SCRG1: variants seen among roughly 807,000 people sequenced by gnomAD.
The protein encoded by SCRG1 is scrapie-responsive protein 1.
In SCRG1, 3 loss-of-function variants were observed where a neutral mutation model predicts 7.7. The observed-to-expected ratio is 0.39, with a 90% CI of 0.18 to 1.01. The LOEUF (loss-of-function observed/expected upper bound fraction) is 1.01, where lower values mean the gene tolerates loss of function less well. Among genes scored for constraint, SCRG1 ranks in the 50% least tolerant of loss-of-function variants. The pLI is 0.36. For missense variants in SCRG1, 110 were observed against 117.2 expected, an observed-to-expected ratio of 0.94 and a Z score of 0.28; for synonymous variants, 46 against 41.2, an observed-to-expected ratio of 1.12 and a Z score of -0.44.
the SCRG1 span, among the ~76,000 whole-genome samples, chr4:173,517,405 T>C: frequency 6.6e-6 from 1 of 152,060 alleles, no homozygotes; most frequent in Non-Finnish European, 1.5e-5. Flanking sequence ...ATTCATTGTG[T>C]GTTTTGCCTT....
At chr4:173,463,567 T>A in the SCRG1 span, among the ~76,000 whole-genome samples, 1 of 152,116 alleles carries the variant, frequency 6.6e-6, no homozygotes, top group Non-Finnish European at 1.5e-5. Context: ...TCAGAATGGG[T>A]TCTCTCCAAA....
chr4:173,385,722 A>C lies in SCRG1; in HGVS notation c.*2619T>G, dbSNP rs144388188. On this transcript the variant is annotated 3_prime_UTR_variant, in exon 3 of 3. Transcript: ENST00000296506. ...TTTGTTAGATACAATTTTTCTTACC[A>C]GGCTTTGATTGCAGTAGTAAGGGAA... is the stretch of plus-strand genomic sequence containing the variant. 314 of 152,292 alleles carry C rather than the reference A, an allele frequency of 2.1e-3. 2 individuals are homozygous for C. Among genetic ancestry groups the C allele is most frequent in the African/African-American group, 7.2e-3 (298 of 41,574 alleles). The allele number at this position is 152,292 out of a possible 1,614,324, so 9.4% of individuals were successfully genotyped here.
chr4:173,476,363 A>AAAAAAAAAAAAAATATAT, the SCRG1 span, among the ~76,000 whole-genome samples: 1 of 98,484 alleles, frequency 1.0e-5, no homozygotes, highest in Non-Finnish European at 2.3e-5. Context: ...GGAAAAAAAA[A>AAAAAAAAAAAAAATATAT]ATATATATAT....
At chr4:173,454,176 G>C in the SCRG1 span, among the ~76,000 whole-genome samples, 4 of 151,986 alleles carry the variant, frequency 2.6e-5, no homozygotes, top group East Asian at 7.7e-4. Context: ...GGTGGAGATC[G>C]CTTTTACTTA....
chr4:173,491,395 G>A, the SCRG1 span, among the ~76,000 whole-genome samples: 3 of 152,042 alleles, frequency 2.0e-5, no homozygotes. Flanking sequence ...ACATTTCACT[G>A]CTGAGTGCCA....
At chr4:173,442,596 G>T in the SCRG1 span, among the ~76,000 whole-genome samples, 1 of 152,152 alleles carries the variant, frequency 6.6e-6, no homozygotes, top group Non-Finnish European at 1.5e-5. Flanking sequence ...ATTTGTCTTA[G>T]TCTGTTTTCT....
At chr4:173,484,670 ATGATG>A in the SCRG1 span, among the ~76,000 whole-genome samples, 134 of 53,020 alleles carry the variant, frequency 2.5e-3, no homozygotes, top group African/African-American at 0.011. Context: ...TATATATAAC[ATGATG>A]TATAATATAT....
chr4:173,467,053 T>C, the SCRG1 span, among the ~76,000 whole-genome samples: 1 of 152,182 alleles, frequency 6.6e-6, no homozygotes, highest in African/African-American at 2.4e-5. Flanking sequence ...AAGGGACATA[T>C]ATATCTCTAC....
the SCRG1 span, among the ~76,000 whole-genome samples, chr4:173,486,753 G>T: frequency 1.3e-5 from 2 of 152,072 alleles, no homozygotes; most frequent in Non-Finnish European, 2.9e-5. Flanking sequence ...TCAGACTGGG[G>T]TGTCAAAGTC....
At chr4:173,416,190 G>T in the SCRG1 span, among the ~76,000 whole-genome samples, 11 of 152,216 alleles carry the variant, frequency 7.2e-5, no homozygotes, top group Non-Finnish European at 1.3e-4. Flanking sequence ...CATCTCTTAC[G>T]ATGACTTATC....
At chr4:173,495,656 T>C in the SCRG1 span, among the ~76,000 whole-genome samples, 2 of 152,238 alleles carry the variant, frequency 1.3e-5, no homozygotes, top group South Asian at 2.1e-4. Flanking sequence ...ATTTTACAGA[T>C]GAGGAAACTG....
the SCRG1 span, chr4:173,468,563 T>C: frequency 6.6e-6 from 1 of 152,212 alleles, no homozygotes; most frequent in African/African-American, 2.4e-5. Flanking sequence ...ATGACCCACA[T>C]CAGACATGGA....
the SCRG1 span, among the ~76,000 whole-genome samples, chr4:173,477,746 CCTTCCTTCCTTCCTTCCT>C: frequency 3.4e-5 from 5 of 148,388 alleles, no homozygotes; most frequent in Admixed American, 1.4e-4. Flanking sequence ...TTCCTTCCTT[CCTTCCTTCCTTCCTTCCT>C]TCCTTCTTTC....
chr4:173,483,183 TTATATA>T, the SCRG1 span, among the ~76,000 whole-genome samples: 1 of 115,294 alleles, frequency 8.7e-6, no homozygotes, highest in Non-Finnish European at 1.7e-5. Context: ...ATATAATATA[TTATATA>T]TGATATATAT....
At chr4:173,494,715 C>G in the SCRG1 span, among the ~76,000 whole-genome samples, 1 of 152,194 alleles carries the variant, frequency 6.6e-6, no homozygotes, top group Non-Finnish European at 1.5e-5. Flanking sequence ...TGCTGGCCAC[C>G]GCGCACTGCG....
chr4:173,518,703 C>T, the SCRG1 span, among the ~76,000 whole-genome samples: 1 of 152,194 alleles, frequency 6.6e-6, no homozygotes, highest in East Asian at 1.9e-4. Flanking sequence ...GCCCCTGCGC[C>T]CCCTTTTTGG....
the SCRG1 span, among the ~76,000 whole-genome samples, chr4:173,423,679 T>TA: frequency 1.3e-5 from 2 of 152,132 alleles, no homozygotes; most frequent in Non-Finnish European, 2.9e-5. Flanking sequence ...ATTTTTTTTT[T>TA]ATTTTTTCCT....
At chr4:173,421,421 G>T in the SCRG1 span, among the ~76,000 whole-genome samples, 1 of 151,738 alleles carries the variant, frequency 6.6e-6, no homozygotes, top group African/African-American at 2.4e-5. Context: ...TTTGTTGGGG[G>T]GGGGTTGATT....
chr4:173,410,574 G>T (rs1355855517), upstream of SCRG1, among the ~76,000 whole-genome samples: 3 of 152,158 alleles, frequency 2.0e-5, no homozygotes, highest in African/African-American at 4.8e-5. Flanking sequence ...GAGAATGAAG[G>T]TTCCTTAAGA....
Sources: gnomAD v4.1 joint callset for allele counts (sites outside exome capture counted in the v4.1 genomes callset) on GRCh38, gnomAD v4.1.1 for gene constraint, MANE v1.5 for transcripts, NCBI Gene and HGNC (gene_info 2026-07-23, HGNC 2026-07-21) for gene names.